Variants in CLIC5 observed in about 807,000 individuals in gnomAD.
The protein encoded by CLIC5 is CLIC family member 5, also known as chloride intracellular channel protein 5.
In CLIC5, 20 loss-of-function variants were observed where a neutral mutation model predicts 24.7. That is an observed-to-expected ratio of 0.81 (90% confidence interval 0.57 to 1.18). The LOEUF (loss-of-function observed/expected upper bound fraction) is 1.18. Among genes scored for constraint, CLIC5 ranks in the 50% most tolerant of loss-of-function variants. The probability of loss-of-function intolerance (pLI) is 0.00; values close to 1 mark genes in which losing one functional copy is unlikely to be tolerated. For missense variants in CLIC5, 341 were observed against 326.1 expected (o/e 1.05, Z -0.35); for synonymous variants, 159 against 135.6 (o/e 1.17, Z -1.20).
In CLIC5 at chr6:45,899,821, T is replaced by C. The variant is rs112932201; in HGVS notation, c.*3267A>G. ...TGGCCCCACCAGCACAAGAAGGGAA[T>C]GCTGAGGACAGGGCCATTTCCCAAG... On this transcript the variant is annotated 3_prime_UTR_variant, in exon 6 of 6. Coordinates refer to ENST00000339561, the MANE Select transcript of CLIC5 (RefSeq NM_016929.5). 1.1e-4 allele frequency: 17 copies of C among 152,338 alleles called. No individual in the cohort carries two copies. The highest frequency in any genetic ancestry group is 6.8e-3 in the Middle Eastern group (2 of 294). The allele number at this position is 152,338 out of a possible 1,614,324, so 9.4% of individuals were successfully genotyped here. A position where few individuals can be genotyped will look rare whatever the true frequency, so the allele number is the denominator to read the frequency against.
chr6:45,919,071 G>T, intron 4 of CLIC5: 1 of 985,388 alleles, frequency 1.0e-6, no homozygotes, highest in African/African-American at 1.7e-5. Flanking sequence ...CCTAACCTCT[G>T]GGTGGTGGAA....
chr6:46,081,455 T>C (rs1762918478), upstream of CLIC5, among the ~76,000 whole-genome samples: 1 of 152,218 alleles, frequency 6.6e-6, no homozygotes, highest in South Asian at 2.1e-4. Context: ...TAGACTTCAA[T>C]ATTGTATCCA....
In CLIC5 at chr6:45,913,794, A is replaced by C. The variant is rs999818365; in HGVS notation, c.588+434T>G. The C allele has an allele frequency of 1.8e-5, 22 of 1,231,604 alleles. No homozygotes were observed. The South Asian group carries it at 4.9e-4, about 28-fold the overall frequency. The allele number at this position is 1,231,604 out of a possible 1,614,324, so 76.3% of individuals were successfully genotyped here. On this transcript the variant is annotated intron_variant, in intron 5 of 5. Transcript: ENST00000339561. ...TGGGCTCACCTTAGGAAGTTGCTGG[A>C]GGAAGTGAGAAGGTGGGTCTGTGCA...
rs562565940 is a variant in CLIC5, at chr6:45,992,572, C to T, written c.63+22908G>A. On this transcript the variant is annotated intron_variant, in intron 1 of 5. Transcript: ENST00000339561. ...GTAAACTACATAGCGTGTGTTTATG[C>T]CTAACAGATACATATGCATCATATG... 2.6e-5 allele frequency among the ~76,000 whole-genome samples: 4 copies of T among 152,212 alleles called. No homozygotes were observed. The South Asian group carries it at 8.3e-4, about 32-fold the overall frequency.
downstream of CLIC5, among the ~76,000 whole-genome samples, chr6:45,895,614 T>G (rs1762387017): frequency 6.6e-6 from 1 of 152,194 alleles, no homozygotes; most frequent in East Asian, 1.9e-4. Context: ...TCTCATGATC[T>G]CTCCAGTCAA....
intron 5 of CLIC5, among the ~76,000 whole-genome samples, chr6:45,909,622 C>A (rs184754535): frequency 1.5e-4 from 23 of 152,274 alleles, no homozygotes; most frequent in Non-Finnish European, 3.2e-4. Flanking sequence ...TTCTGGCTTG[C>A]AATATTTCTG....
chr6:45,996,179 C>T (rs1766131475), intron 1 of CLIC5, among the ~76,000 whole-genome samples: 1 of 149,882 alleles, frequency 6.7e-6, no homozygotes, highest in East Asian at 1.9e-4. Flanking sequence ...TTTTGCAAAC[C>T]ACGGAACTCA....
intron 4 of CLIC5, among the ~76,000 whole-genome samples, chr6:45,927,842 T>C (rs560034711): frequency 1.1e-4 from 17 of 152,270 alleles, no homozygotes; most frequent in African/African-American, 3.9e-4. Context: ...CTTCTGCTTG[T>C]TTTTCTCTTG....
intron 4 of CLIC5, among the ~76,000 whole-genome samples, chr6:45,918,699 G>GA: frequency 6.6e-6 from 1 of 152,374 alleles, no homozygotes; most frequent in South Asian, 2.1e-4. Context: ...TCTCCATGGA[G>GA]AAGGAGGTTG....
chr6:46,093,229 T>C, the CLIC5 span, among the ~76,000 whole-genome samples: 1 of 152,194 alleles, frequency 6.6e-6, no homozygotes. Flanking sequence ...CACTTATACC[T>C]GGTCCCGGCT....
intron 1 of CLIC5, among the ~76,000 whole-genome samples, chr6:46,075,486 G>C (rs1171446857): frequency 6.6e-6 from 1 of 152,148 alleles, no homozygotes; most frequent in Non-Finnish European, 1.5e-5. Context: ...TCTAGAGGCT[G>C]AGGCGGGAGA....
chr6:45,922,835 T>G (rs3777555), intron 4 of CLIC5, among the ~76,000 whole-genome samples: 39,042 of 143,460 alleles, frequency 0.27, 5,499 homozygotes, highest in East Asian at 0.47. Flanking sequence ...GAGAGAGAGA[T>G]AGAGAGAGAG....
At chr6:46,013,567 A>T (rs1766880415) in intron 1 of CLIC5, among the ~76,000 whole-genome samples, 1 of 152,132 alleles carries the variant, frequency 6.6e-6, no homozygotes, top group Non-Finnish European at 1.5e-5. Context: ...GCTCTCATTG[A>T]TTTCCTTTAG....
chr6:45,918,765 A>G (rs1763132432), intron 4 of CLIC5, among the ~76,000 whole-genome samples: 1 of 152,114 alleles, frequency 6.6e-6, no homozygotes, highest in Admixed American at 6.5e-5. Context: ...TGTTCCTTTT[A>G]TTGCCCTAGT....
intron 1 of CLIC5, among the ~76,000 whole-genome samples, chr6:45,976,509 G>A (rs745492118): frequency 1.3e-5 from 2 of 152,266 alleles, no homozygotes; most frequent in African/African-American, 4.8e-5. Context: ...GAATTTGAAG[G>A]CATGGTTAGA....
At chr6:46,030,552 C>T (rs958106843) in intron 1 of CLIC5, among the ~76,000 whole-genome samples, 6 of 151,996 alleles carry the variant, frequency 3.9e-5, no homozygotes, top group East Asian at 2.0e-4. Context: ...TTTAGTGGCT[C>T]GGCATGGACT....
intron 1 of CLIC5, among the ~76,000 whole-genome samples, chr6:46,031,834 C>CA (rs1767507461): frequency 6.7e-6 from 1 of 149,426 alleles, no homozygotes; most frequent in Non-Finnish European, 1.5e-5. Context: ...TGCATATAGT[C>CA]ATTTCATCTT....
exon 1 of CLIC5, chr6:46,080,306 C>T (rs1051860124): frequency 2.9e-6 from 4 of 1,394,196 alleles, no homozygotes; most frequent in Non-Finnish European, 3.9e-6. Context: ...AATGAAGGGA[C>T]AGAGGATGCT....
At chr6:45,953,283 G>T (rs764154490) in intron 2 of CLIC5, among the ~76,000 whole-genome samples, 1 of 152,064 alleles carries the variant, frequency 6.6e-6, no homozygotes, top group Non-Finnish European at 1.5e-5. Context: ...AGCATTAGGG[G>T]TGCAGACCTC....
Sources: allele counts gnomAD v4.1 joint callset (sites outside exome capture counted in the v4.1 genomes callset), GRCh38; gene constraint gnomAD v4.1.1; transcripts MANE v1.5; gene names NCBI Gene and HGNC (gene_info 2026-07-23, HGNC 2026-07-21).